The following FRAS1 variants were observed in gnomAD, a reference collection of about 807,000 sequenced individuals.
The protein encoded by FRAS1 is extracellular matrix organizing protein FRAS1.
In FRAS1, 290 loss-of-function variants were observed where a neutral mutation model predicts 435.2. That is an observed-to-expected ratio of 0.67 (90% CI 0.61 to 0.73). The LOEUF is 0.73. Among genes scored for constraint, FRAS1 ranks in the 30% least tolerant of loss-of-function variants. The pLI is 0.00. For missense variants in FRAS1, 4,860 were observed against 5,001.5 expected (o/e 0.97, Z 0.85); for synonymous variants, 1,800 against 1,851.0 (o/e 0.97, Z 0.71).
At chr4:78,411,759 A>G (rs1299674213) in intron 31 of FRAS1, among the ~76,000 whole-genome samples, 1 of 152,192 alleles carries the variant, frequency 6.6e-6, no homozygotes, top group Non-Finnish European at 1.5e-5. Context: ...TTTCTTCAAA[A>G]GATAGAATAT....
At chr4:78,451,653 A>G in intron 45 of FRAS1, 119 bp from the exon 46 acceptor site, 4 of 697,592 alleles carry the variant, frequency 5.7e-6, no homozygotes, top group Non-Finnish European at 8.8e-6. Flanking sequence ...GCAGTGTCAA[A>G]GCGAGGAAGG....
chr4:78,111,617 G>A (rs978453038), intron 2 of FRAS1, among the ~76,000 whole-genome samples: 2 of 104,530 alleles, frequency 1.9e-5, no homozygotes, highest in Non-Finnish European at 3.8e-5. Flanking sequence ...TCGGGGGAGG[G>A]GGGAGGGATA....
intron 2 of FRAS1, among the ~76,000 whole-genome samples, chr4:78,191,702 C>G (rs567188781): frequency 6.6e-6 from 1 of 152,020 alleles, no homozygotes; most frequent in Non-Finnish European, 1.5e-5. Flanking sequence ...TCCCCCCACC[C>G]CACAACAGGC....
intron 29 of FRAS1, 136 bp downstream of exon 29, chr4:78,387,837 G>C: frequency 1.8e-6 from 1 of 564,106 alleles, no homozygotes; most frequent in Non-Finnish European, 2.9e-6. Flanking sequence ...TTATATAGAG[G>C]GCACTATATA....
chr4:78,252,960 TG>T (rs1302261603), intron 5 of FRAS1, among the ~76,000 whole-genome samples: 1 of 152,082 alleles, frequency 6.6e-6, no homozygotes, highest in Non-Finnish European at 1.5e-5. Context: ...AAACAGGGTT[TG>T]AGAGCAAAGA....
intron 47 of FRAS1, among the ~76,000 whole-genome samples, chr4:78,461,379 C>T (rs968179656): frequency 2.0e-5 from 3 of 152,108 alleles, no homozygotes; most frequent in African/African-American, 7.2e-5. Flanking sequence ...TAGACCGCCT[C>T]GGGTTTCAAT....
Position 78,542,402 on chromosome 4 carries a change from G to C in FRAS1, c.*1278G>C, listed in dbSNP as rs1475591189. 2 of 152,420 alleles carry C rather than the reference G, an allele frequency of 1.3e-5. No individual in the cohort carries two copies. Among genetic ancestry groups the C allele is most frequent in the East Asian group, 1.9e-4 (1 of 5,200 alleles). 9.4% of individuals were successfully genotyped at this position (152,420 alleles called of 1,614,324 possible). On this transcript the variant is annotated 3_prime_UTR_variant, in exon 74 of 74. Coordinates refer to ENST00000512123, the MANE Select transcript of FRAS1 (RefSeq NM_025074.7). ...TTGCTTTTGTTTCTCTTCTGTTTCT[G>C]CCTTATTGGCGGAAACATAAGCGTG...
intron 63 of FRAS1, among the ~76,000 whole-genome samples, chr4:78,510,360 T>C (rs1326126437): frequency 6.6e-6 from 1 of 152,252 alleles, no homozygotes; most frequent in East Asian, 1.9e-4. Flanking sequence ...TTCTATTATA[T>C]GCATTCTTGT....
intron 23 of FRAS1, among the ~76,000 whole-genome samples, chr4:78,371,769 C>G (rs1436162560): frequency 4.6e-5 from 7 of 152,220 alleles, no homozygotes; most frequent in Admixed American, 3.9e-4. Flanking sequence ...CACTGGCTTT[C>G]AAACATGAGT....
At chr4:78,253,091 A>C (rs538841101) in intron 5 of FRAS1, among the ~76,000 whole-genome samples, 41 of 152,274 alleles carry the variant, frequency 2.7e-4, no homozygotes, top group African/African-American at 9.4e-4. Context: ...GAACTCCCAG[A>C]GTGGCCGTTT....
intron 14 of FRAS1, among the ~76,000 whole-genome samples, chr4:78,304,101 C>T (rs1263290031): frequency 4.0e-5 from 6 of 149,322 alleles, no homozygotes; most frequent in Non-Finnish European, 4.5e-5. Context: ...TTTTCTGCAT[C>T]TATTAAGATA....
chr4:78,089,239 T>C (rs572355700), intron 2 of FRAS1, among the ~76,000 whole-genome samples: 123 of 124,588 alleles, frequency 9.9e-4, no homozygotes, highest in African/African-American at 3.7e-3. Flanking sequence ...TGAGAACACA[T>C]GGACATAGGA....
chr4:78,385,896 A>AC (rs1732201391), intron 28 of FRAS1, among the ~76,000 whole-genome samples: 1 of 152,090 alleles, frequency 6.6e-6, no homozygotes, highest in Admixed American at 6.5e-5. Flanking sequence ...AAAAAAAAAA[A>AC]AAAAGCTGAA....
intron 29 of FRAS1, among the ~76,000 whole-genome samples, chr4:78,391,130 A>C (rs532443180): frequency 6.6e-6 from 1 of 152,164 alleles, no homozygotes; most frequent in Non-Finnish European, 1.5e-5. Flanking sequence ...GCATCAGATG[A>C]GAAGCCCTTG....
intron 2 of FRAS1, among the ~76,000 whole-genome samples, chr4:78,123,262 G>T (rs1229132806): frequency 6.6e-6 from 1 of 152,172 alleles, no homozygotes; most frequent in Non-Finnish European, 1.5e-5. Context: ...TTATGTGTCA[G>T]GTTTGTCAAA....
intron 47 of FRAS1, among the ~76,000 whole-genome samples, chr4:78,453,287 C>T (rs1185699285): frequency 6.6e-6 from 1 of 152,110 alleles, no homozygotes; most frequent in Non-Finnish European, 1.5e-5. Context: ...AGAAAGCTTT[C>T]ACATTTGGCC....
intron 2 of FRAS1, among the ~76,000 whole-genome samples, chr4:78,085,506 G>A (rs1377350313): frequency 1.3e-5 from 2 of 152,088 alleles, no homozygotes; most frequent in Non-Finnish European, 2.9e-5. Flanking sequence ...GGTGATGACA[G>A]AGCTGTAGGC....
intron 2 of FRAS1, among the ~76,000 whole-genome samples, chr4:78,143,679 T>C (rs1720285268): frequency 6.6e-6 from 1 of 151,768 alleles, no homozygotes. Context: ...GCAGATCACT[T>C]GAGCTCAGGA....
intron 9 of FRAS1, among the ~76,000 whole-genome samples, chr4:78,273,088 G>A (rs1578220004): frequency 6.6e-6 from 1 of 152,178 alleles, no homozygotes; most frequent in African/African-American, 2.4e-5. Flanking sequence ...GTGAATGGGA[G>A]TTCATGCATG....
Sources: allele counts gnomAD v4.1 joint callset (sites outside exome capture counted in the v4.1 genomes callset), GRCh38; gene constraint gnomAD v4.1.1; transcripts MANE v1.5; gene names NCBI Gene and HGNC (gene_info 2026-07-23, HGNC 2026-07-21).